The following TMEM38B variants were observed in gnomAD, a reference collection of about 807,000 sequenced individuals.
TMEM38B encodes the protein trimeric intracellular cation channel type B.
TMEM38B carries 24 observed loss-of-function variants against 28.7 expected under a neutral mutation model. That is an observed-to-expected ratio of 0.84 (90% CI 0.61 to 1.18). The LOEUF (loss-of-function observed/expected upper bound fraction) is 1.18. Ranked by LOEUF, TMEM38B falls within the 50% of genes most tolerant of loss-of-function variation. TMEM38B has a pLI of 0.00. For missense variants in TMEM38B, 380 were observed against 350.9 expected, an observed-to-expected ratio of 1.08 and a Z score of -0.66; for synonymous variants, 131 against 127.7, an observed-to-expected ratio of 1.03 and a Z score of -0.17.
chr9:105,722,475 T>G, intron 3 of TMEM38B, 59 bp from the exon 4 acceptor site: 1 of 1,323,360 alleles, frequency 7.6e-7, no homozygotes, highest in Non-Finnish European at 1.1e-6. Flanking sequence ...TGGCTCCCTT[T>G]AAATATGTTT....
At chr9:105,714,648 G>T (rs1836029450) in intron 2 of TMEM38B, among the ~76,000 whole-genome samples, 1 of 152,138 alleles carries the variant, frequency 6.6e-6, no homozygotes, top group Admixed American at 6.6e-5. Context: ...TAAAATTTCA[G>T]TTATTTTCAT....
At chr9:105,726,699 G>A (rs566108949) in intron 4 of TMEM38B, among the ~76,000 whole-genome samples, 38 of 152,218 alleles carry the variant, frequency 2.5e-4, no homozygotes, top group African/African-American at 8.7e-4. Context: ...ACTATGGGAG[G>A]CTGTTGCAAT....
rs191309260 is a variant in TMEM38B, at chr9:105,755,585, A to G, written c.660+7395A>G. ...ATATGAACTTTAGGAACAACTTCACAGTTTCTGCAAAGAAGCCAGCTCTTA... is the reference window on the plus strand; with the variant it reads ...ATATGAACTTTAGGAACAACTTCACGGTTTCTGCAAAGAAGCCAGCTCTTA... On this transcript the variant is annotated intron_variant, in intron 5 of 5. Coordinates refer to ENST00000374692, the MANE Select transcript of TMEM38B (RefSeq NM_018112.3). Among the ~76,000 whole-genome samples, 3 of 152,368 alleles carry G rather than the reference A, an allele frequency of 2.0e-5. No homozygotes were observed. The East Asian group carries it at 5.8e-4, about 29-fold the overall frequency.
rs1180164106 is a variant in TMEM38B, at chr9:105,706,346, C to T, written c.269+593C>T. Among the ~76,000 whole-genome samples the T allele has an allele frequency of 2.0e-5, 3 of 152,272 alleles. No homozygotes were observed. The East Asian group carries it at 5.8e-4, about 29-fold the overall frequency. ...CTTGCTATGTGCAAGACTGCAAGTG[C>T]AGTGGCGCGCTCTCAGCTTGTTGCG... On this transcript the variant is annotated intron_variant, in intron 2 of 5. Transcript: ENST00000374692.
intron 5 of TMEM38B, among the ~76,000 whole-genome samples, chr9:105,764,963 G>C (rs1826314938): frequency 6.6e-6 from 1 of 152,182 alleles, no homozygotes; most frequent in Admixed American, 6.5e-5. Flanking sequence ...ACAAACCTGA[G>C]AAAAACAAGC....
chr9:105,721,555 C>T lies in TMEM38B; in HGVS notation c.288C>T (p.Cys96=). ...TTTTCAGGTATATTACATTTTTTTG[C>T]CCGCATGACCTAGTTTCCCAGGGCT... ...ASSIWYITFF[C]PHDLVSQGYS... Residue 96 remains cysteine (C), a synonymous_variant, in exon 3 of 6, where the codon TGC becomes TGT. Coordinates refer to ENST00000374692, the MANE Select transcript of TMEM38B (RefSeq NM_018112.3). The T allele has an allele frequency of 6.3e-7, 1 of 1,587,694 alleles. No individual in the cohort carries two copies. Among genetic ancestry groups the T allele is most frequent in the East Asian group, 2.3e-5 (1 of 44,218 alleles).
At chr9:105,733,421 C>CTTTTTTT (rs71306454) in intron 4 of TMEM38B, among the ~76,000 whole-genome samples, 9 of 127,850 alleles carry the variant, frequency 7.0e-5, no homozygotes, top group East Asian at 2.2e-4. Flanking sequence ...TTTCTTTTTT[C>CTTTTTTT]TTTTTTTTTT....
chr9:105,745,591 A>T (rs1045966100), intron 4 of TMEM38B, among the ~76,000 whole-genome samples: 4 of 152,146 alleles, frequency 2.6e-5, no homozygotes, highest in Non-Finnish European at 5.9e-5. Flanking sequence ...CTTGAGTTTA[A>T]TTAGATCCCA....
In TMEM38B at chr9:105,735,684, A is replaced by T. The variant is rs75208409; in HGVS notation, c.543-12389A>T. ...TAATGGAGATTCCCTTGTATGTGAC[A>T]TGTCAGTTTTCTCTGGATGTTTTTA... On this transcript the variant is annotated intron_variant, in intron 4 of 5. Coordinates refer to ENST00000374692, the MANE Select transcript of TMEM38B (RefSeq NM_018112.3). 7.2e-3 allele frequency among the ~76,000 whole-genome samples: 1,092 copies of T among 152,284 alleles called. 12 individuals carry two copies. The highest frequency in any genetic ancestry group is 0.013 in the Non-Finnish European group (865 of 68,024).
intron 5 of TMEM38B, chr9:105,760,865 C>G: frequency 5.1e-6 from 3 of 592,918 alleles, no homozygotes; most frequent in Non-Finnish European, 5.8e-6. Context: ...TCTAAATAAG[C>G]ACATTATGTA....
At position 105,775,827 on chromosome 9, in the gene TMEM38B, C is replaced by T. The variant is rs1826707460; in HGVS notation, c.*1747C>T. 1 of 151,852 alleles carries T rather than the reference C, an allele frequency of 6.6e-6. No homozygotes were observed. The highest frequency in any genetic ancestry group is 2.4e-5 in the African/African-American group (1 of 41,340). 9.4% of individuals were successfully genotyped at this position (151,852 alleles called of 1,614,324 possible). ...GTTATTTAGCACCAATGGAGTATTA[C>T]ATTATTTTTATGTTTTATATTTTTC... On this transcript the variant is annotated 3_prime_UTR_variant, in exon 6 of 6. Transcript: ENST00000374692.
intron 5 of TMEM38B, among the ~76,000 whole-genome samples, chr9:105,764,482 A>G (rs181656186): frequency 0.012 from 1,797 of 152,316 alleles, 18 homozygotes; most frequent in Non-Finnish European, 0.021. Flanking sequence ...GCCATTCACA[A>G]TTGCTTCAAA....
chr9:105,745,431 G>A (rs1471012172), intron 4 of TMEM38B, among the ~76,000 whole-genome samples: 3 of 152,176 alleles, frequency 2.0e-5, no homozygotes, highest in Non-Finnish European at 4.4e-5. Context: ...TGTTGATGGG[G>A]TTGTTTGTTT....
intron 5 of TMEM38B, among the ~76,000 whole-genome samples, chr9:105,772,977 T>C (rs10978239): frequency 0.1 from 15,916 of 152,160 alleles, 1,294 homozygotes; most frequent in East Asian, 0.46. Context: ...TTATTCTTGA[T>C]ACCATTTTCC....
At chr9:105,764,357 T>A (rs1051175279) in intron 5 of TMEM38B, among the ~76,000 whole-genome samples, 9 of 152,158 alleles carry the variant, frequency 5.9e-5, no homozygotes, top group Non-Finnish European at 1.0e-4. Flanking sequence ...CGAAATCTCC[T>A]TAAGCTGATA....
At chr9:105,723,853 A>C (rs1246891189) in intron 4 of TMEM38B, among the ~76,000 whole-genome samples, 1 of 150,672 alleles carries the variant, frequency 6.6e-6, no homozygotes, top group Non-Finnish European at 1.5e-5. Flanking sequence ...TTTTGTTTTG[A>C]GTCAGAGTTT....
chr9:105,771,871 C>T (rs544254669), intron 5 of TMEM38B, among the ~76,000 whole-genome samples: 1 of 152,276 alleles, frequency 6.6e-6, no homozygotes, highest in Admixed American at 6.5e-5. Flanking sequence ...CCTTTCTCTT[C>T]TTTACTGTTT....
chr9:105,730,863 A>G (rs534101660), intron 4 of TMEM38B, among the ~76,000 whole-genome samples: 1 of 152,258 alleles, frequency 6.6e-6, no homozygotes, highest in South Asian at 2.1e-4. Context: ...AGAGGTGTTT[A>G]TAGTATTCTC....
chr9:105,773,745 G>A (rs1229364143), intron 5 of TMEM38B, 120 bp from the exon 6 acceptor site: 3 of 873,768 alleles, frequency 3.4e-6, no homozygotes, highest in Non-Finnish European at 5.2e-6. Context: ...ATCTAGCTTA[G>A]ATTGCTTCCC....
Sources: allele counts gnomAD v4.1 joint callset (sites outside exome capture counted in the v4.1 genomes callset), GRCh38; gene constraint gnomAD v4.1.1; transcripts MANE v1.5; gene names NCBI Gene and HGNC (gene_info 2026-07-23, HGNC 2026-07-21).